The following NPAS3 variants were observed in gnomAD, a reference collection of about 807,000 sequenced individuals.
NPAS3 encodes neuronal PAS domain protein 3.
Under a neutral mutation model 73.1 loss-of-function variants are expected in NPAS3, and 14 were observed. That is an observed-to-expected ratio of 0.19 (90% confidence interval 0.13 to 0.30). The LOEUF (loss-of-function observed/expected upper bound fraction) is 0.30, where lower values mean the gene tolerates loss of function less well. Ranked by LOEUF, NPAS3 falls within the 10% of genes least tolerant of loss-of-function variation. NPAS3 has a pLI of 1.00. For missense variants in NPAS3, 1,096 were observed against 1,250.0 expected (o/e 0.88, Z 1.86); for synonymous variants, 620 against 541.5 (o/e 1.14, Z -2.01).
At chr14:33,133,472 G>A (rs1331042286) in intron 2 of NPAS3, among the ~76,000 whole-genome samples, 2 of 152,204 alleles carry the variant, frequency 1.3e-5, no homozygotes, top group Non-Finnish European at 2.9e-5. Flanking sequence ...AAGTGTGTAA[G>A]AAGGCATTGG....
downstream of NPAS3, chr14:33,802,383 AAAAAAAAAG>A (rs1179230255): frequency 4.7e-5 from 7 of 150,136 alleles, no homozygotes; most frequent in African/African-American, 1.2e-4. Context: ...AAGTAAAAAA[AAAAAAAAAG>A]AAAAAAAAAA....
At chr14:33,697,686 C>A (rs1157408248) in intron 6 of NPAS3, among the ~76,000 whole-genome samples, 1 of 152,110 alleles carries the variant, frequency 6.6e-6, no homozygotes. Context: ...GAAGTTGTAA[C>A]TTATCTGCTG....
intron 2 of NPAS3, among the ~76,000 whole-genome samples, chr14:33,099,335 T>C (rs1201098811): frequency 1.3e-5 from 2 of 152,232 alleles, no homozygotes; most frequent in Non-Finnish European, 2.9e-5. Context: ...AATACTATGG[T>C]ACCATCTTTG....
At chr14:33,172,154 G>T (rs1007913398) in intron 2 of NPAS3, among the ~76,000 whole-genome samples, 1 of 152,176 alleles carries the variant, frequency 6.6e-6, no homozygotes, top group Non-Finnish European at 1.5e-5. Flanking sequence ...AGTTTGAAAG[G>T]TGGAATGAAT....
rs1491222493 is a variant in NPAS3, at chr14:33,553,902, CAT to C, written c.469-6218_469-6217del. On this transcript the variant is annotated intron_variant, in intron 4 of 11. Coordinates refer to ENST00000356141, the Ensembl canonical transcript of NPAS3. ...TCTCCTTGAAGTCGCTTGGAGTCCA[CAT>C]GTGTGTGCCTGAGCAGTATAGCATC... is the stretch of plus-strand genomic sequence containing the variant. 3.9e-5 allele frequency among the ~76,000 whole-genome samples: 6 copies of C among 152,272 alleles called. No homozygotes were observed. In the East Asian group the frequency reaches 1.2e-3, roughly 29 times the overall value.
At chr14:33,448,462 G>A (rs17101176) in intron 4 of NPAS3, among the ~76,000 whole-genome samples, 24,375 of 152,048 alleles carry the variant, frequency 0.16, 2,686 homozygotes, top group African/African-American at 0.31. Context: ...GGGTCGCTGA[G>A]GGCAAAGTGG....
intron 6 of NPAS3, among the ~76,000 whole-genome samples, chr14:33,702,122 A>G (rs1028538699): frequency 3.9e-5 from 6 of 152,254 alleles, no homozygotes; most frequent in African/African-American, 1.4e-4. Context: ...AACTCTCTAG[A>G]GAGGCTGTCC....
chr14:33,232,605 T>C (rs1374422862), intron 3 of NPAS3, among the ~76,000 whole-genome samples: 1 of 152,174 alleles, frequency 6.6e-6, no homozygotes, highest in Non-Finnish European at 1.5e-5. Context: ...CTGTGATTAA[T>C]GGGTGTTAAA....
chr14:33,312,976 G>A (rs893607550), intron 3 of NPAS3, among the ~76,000 whole-genome samples: 8 of 152,010 alleles, frequency 5.3e-5, no homozygotes, highest in African/African-American at 1.7e-4. Context: ...ATATTCTAGT[G>A]TCTTAAAGTG....
intron 2 of NPAS3, among the ~76,000 whole-genome samples, chr14:33,071,655 AAC>A (rs2041489421): frequency 6.6e-6 from 1 of 152,204 alleles, no homozygotes; most frequent in South Asian, 2.1e-4. Flanking sequence ...AGCATATACG[AAC>A]CACAAAAGTG....
intron 4 of NPAS3, among the ~76,000 whole-genome samples, chr14:33,550,509 A>G (rs984989348): frequency 2.0e-5 from 3 of 152,368 alleles, no homozygotes; most frequent in Middle Eastern, 6.8e-3. Flanking sequence ...CATGTGTTAC[A>G]TAGTCTGGCA....
At chr14:33,642,359 G>T (rs564129484) in intron 5 of NPAS3, among the ~76,000 whole-genome samples, 149 of 152,258 alleles carry the variant, frequency 9.8e-4, no homozygotes, top group African/African-American at 2.4e-3. Flanking sequence ...GCAGCGAGCC[G>T]CTATTCAGAT....
chr14:33,586,612 C>CT (rs1344578217), intron 5 of NPAS3, among the ~76,000 whole-genome samples: 1 of 151,968 alleles, frequency 6.6e-6, no homozygotes, highest in African/African-American at 2.4e-5. Context: ...AGAAAGAATC[C>CT]TTTTAGAAAA....
chr14:33,669,271 C>G (rs2059543807), intron 5 of NPAS3, among the ~76,000 whole-genome samples: 1 of 152,224 alleles, frequency 6.6e-6, no homozygotes, highest in Non-Finnish European at 1.5e-5. Flanking sequence ...TTTGCCTTCT[C>G]AGCACTGTGA....
chr14:33,224,767 C>T (rs964897385), intron 3 of NPAS3, among the ~76,000 whole-genome samples: 2 of 151,968 alleles, frequency 1.3e-5, no homozygotes, highest in African/African-American at 4.8e-5. Context: ...CATTTTAGAG[C>T]AAATGATAAC....
chr14:33,207,282 C>G (rs1392139596), intron 2 of NPAS3, among the ~76,000 whole-genome samples: 1 of 119,704 alleles, frequency 8.4e-6, no homozygotes, highest in Non-Finnish European at 1.8e-5. Flanking sequence ...CACACACACA[C>G]ACACACACAG....
At chr14:33,610,225 C>T (rs572826744) in intron 5 of NPAS3, among the ~76,000 whole-genome samples, 1 of 152,038 alleles carries the variant, frequency 6.6e-6, no homozygotes, top group East Asian at 1.9e-4. Context: ...TTTTGTCTGC[C>T]AGTCCCAAGG....
chr14:33,690,153 A>G (rs368154108), intron 6 of NPAS3, among the ~76,000 whole-genome samples: 37 of 152,280 alleles, frequency 2.4e-4, no homozygotes, highest in African/African-American at 8.9e-4. Flanking sequence ...CTCCTTTACT[A>G]TCGAATCAGC....
intron 4 of NPAS3, among the ~76,000 whole-genome samples, chr14:33,455,712 G>T (rs908738332): frequency 2.6e-5 from 4 of 152,160 alleles, no homozygotes; most frequent in African/African-American, 9.7e-5. Context: ...GTGTTTCACC[G>T]CATCTGCCTG....
Sources: gnomAD v4.1 joint callset for allele counts (sites outside exome capture counted in the v4.1 genomes callset) on GRCh38, gnomAD v4.1.1 for gene constraint, MANE v1.5 for transcripts, NCBI Gene and HGNC (gene_info 2026-07-23, HGNC 2026-07-21) for gene names.